LPIN1: variants seen among roughly 807,000 people sequenced by gnomAD.
LPIN1 encodes phosphatidate phosphatase LPIN1.
In LPIN1, 71 loss-of-function variants were observed where a neutral mutation model predicts 107.5. The observed-to-expected ratio is 0.66, with a 90% confidence interval of 0.55 to 0.80. The LOEUF (loss-of-function observed/expected upper bound fraction) is 0.80. Among genes scored for constraint, LPIN1 ranks in the 30% least tolerant of loss-of-function variants. The pLI, the probability that LPIN1 is intolerant of heterozygous loss-of-function variation, is 0.00. For missense variants in LPIN1, 1,043 were observed against 1,160.6 expected (o/e 0.90, Z 1.47); for synonymous variants, 445 against 452.6 (o/e 0.98, Z 0.21).
upstream of LPIN1, chr2:11,745,250 T>C (rs1666779542): frequency 6.6e-6 from 1 of 152,300 alleles, no homozygotes; most frequent in East Asian, 1.9e-4. Context: ...TCTGAAGTCC[T>C]TCCGCTTCTT....
chr2:11,717,506 C>T (rs1253684771), intron 2 of LPIN1, among the ~76,000 whole-genome samples: 1 of 145,094 alleles, frequency 6.9e-6, no homozygotes, highest in Non-Finnish European at 1.5e-5. Context: ...ACCCTCCAAA[C>T]ACAGAATGTC....
At chr2:11,799,504 G>C (rs73189025) in intron 14 of LPIN1, among the ~76,000 whole-genome samples, 1 of 151,756 alleles carries the variant, frequency 6.6e-6, no homozygotes, top group African/African-American at 2.4e-5. Flanking sequence ...CATTTGCCAG[G>C]CTGTACCAGC....
intron 17 of LPIN1, among the ~76,000 whole-genome samples, chr2:11,813,483 G>A (rs182353232): frequency 4.6e-5 from 7 of 152,240 alleles, no homozygotes; most frequent in Non-Finnish European, 8.8e-5. Flanking sequence ...GTTGCACAGC[G>A]GCCGGGCAGA....
At chr2:11,693,163 C>T (rs1240100571) in intron 1 of LPIN1, among the ~76,000 whole-genome samples, 3 of 150,838 alleles carry the variant, frequency 2.0e-5, no homozygotes, top group Non-Finnish European at 4.4e-5. Context: ...AGGCCAGGTA[C>T]AGTCGTGGTC....
At chr2:11,760,438 A>T (rs182045540) in intron 1 of LPIN1, among the ~76,000 whole-genome samples, 1 of 151,180 alleles carries the variant, frequency 6.6e-6, no homozygotes, top group Non-Finnish European at 1.5e-5. Context: ...CCGGCACCTC[A>T]GGAGGCCGAG....
intron 1 of LPIN1, among the ~76,000 whole-genome samples, chr2:11,705,280 G>C (rs1449523401): frequency 6.6e-6 from 1 of 152,096 alleles, no homozygotes; most frequent in Non-Finnish European, 1.5e-5. Context: ...GAGCTCAACT[G>C]TATATTGAAA....
Position 11,759,710 on chromosome 2 carries a change from G to A in LPIN1, c.-9-5823G>A, listed in dbSNP as rs1202887950. On this transcript the variant is annotated intron_variant, in intron 1 of 20. Transcript: ENST00000674199. ...GAGCTGTTGGGTACACCTCCCAGAC[G>A]GGGTGGCGGCCGGGCAGAGGGGCTC... 1.6e-4 allele frequency among the ~76,000 whole-genome samples: 24 copies of A among 152,054 alleles called. No individual in the cohort carries two copies. The East Asian group carries it at 3.9e-3, about 24-fold the overall frequency.
intron 17 of LPIN1, among the ~76,000 whole-genome samples, chr2:11,809,684 G>C (rs1679322557): frequency 6.6e-6 from 1 of 152,194 alleles, no homozygotes; most frequent in Non-Finnish European, 1.5e-5. Context: ...CCAAAGTGTG[G>C]GGATTACAGG....
intron 1 of LPIN1, among the ~76,000 whole-genome samples, chr2:11,692,289 C>T (rs1281373694): frequency 1.4e-5 from 2 of 142,650 alleles, no homozygotes; most frequent in African/African-American, 6.1e-5. Flanking sequence ...CTTGCCTTGG[C>T]ACATACTTGG....
chr2:11,760,611 A>G (rs1669657243), intron 1 of LPIN1, among the ~76,000 whole-genome samples: 1 of 151,844 alleles, frequency 6.6e-6, no homozygotes, highest in Admixed American at 6.6e-5. Flanking sequence ...GGGAGGTTGC[A>G]GTGAGCCGAG....
chr2:11,824,691 C>A lies in LPIN1; in HGVS notation c.2681C>A (p.Ser894Tyr). Reference sequence around the variant, plus strand: ...TTCCCGTTGCTGAAAAGAAGCCATTCTTCAGACTTTCCCTGTTCGGATACC... The same window carrying A: ...TTCCCGTTGCTGAAAAGAAGCCATTATTCAGACTTTCCCTGTTCGGATACC... Reference protein sequence around the residue: ...HVFPLLKRSHSSDFPCSDTFS... With the variant: ...HVFPLLKRSHYSDFPCSDTFS... Residue 894 changes from serine to tyrosine, a missense_variant, in exon 21 of 21, where the codon TCT (serine) becomes TAT (tyrosine). Coordinates refer to ENST00000674199, the MANE Select transcript of LPIN1 (RefSeq NM_001349206.2). The A allele has an allele frequency of 6.2e-7, 1 of 1,614,136 alleles. No individual in the cohort carries two copies. The highest frequency in any genetic ancestry group is 8.5e-7 in the Non-Finnish European group (1 of 1,180,026).
intron 1 of LPIN1, among the ~76,000 whole-genome samples, chr2:11,704,180 A>T (rs540705796): frequency 6.6e-6 from 1 of 152,378 alleles, no homozygotes; most frequent in East Asian, 1.9e-4. Flanking sequence ...CCTGCATGTT[A>T]TTGGTCAAGC....
intron 4 of LPIN1, among the ~76,000 whole-genome samples, chr2:11,772,555 T>G (rs916863179): frequency 1.3e-5 from 2 of 152,264 alleles, no homozygotes; most frequent in African/African-American, 4.8e-5. Flanking sequence ...ATTTCAGGCT[T>G]AAAAGTGAAT....
intron 1 of LPIN1, among the ~76,000 whole-genome samples, chr2:11,730,554 T>C (rs1394135753): frequency 6.6e-6 from 1 of 152,240 alleles, no homozygotes; most frequent in East Asian, 1.9e-4. Flanking sequence ...TTTTGCCTTT[T>C]TCTTCACTTT....
At chr2:11,795,028 T>C (rs1046878752) in intron 13 of LPIN1, among the ~76,000 whole-genome samples, 10 of 152,124 alleles carry the variant, frequency 6.6e-5, no homozygotes, top group African/African-American at 2.4e-4. Flanking sequence ...GGTACAAAAA[T>C]ATTTTCAAGC....
intron 1 of LPIN1, among the ~76,000 whole-genome samples, chr2:11,746,939 C>G (rs994464258): frequency 6.6e-5 from 10 of 152,220 alleles, no homozygotes; most frequent in Non-Finnish European, 1.0e-4. Flanking sequence ...CCGCGAGGCC[C>G]GGTGTGGGCC....
chr2:11,722,147 T>C (rs910962548), upstream of LPIN1: 1 of 152,184 alleles, frequency 6.6e-6, no homozygotes, highest in African/African-American at 2.4e-5. Context: ...ACAGCCCCTT[T>C]CCAATTGAGG....
intron 11 of LPIN1, among the ~76,000 whole-genome samples, chr2:11,787,840 A>T (rs1674924621): frequency 1.3e-5 from 2 of 151,474 alleles, no homozygotes. Flanking sequence ...ACTCGGGAGG[A>T]TGAGGCAGGA....
intron 2 of LPIN1, among the ~76,000 whole-genome samples, chr2:11,717,773 T>G (rs1663853625): frequency 6.6e-6 from 1 of 152,086 alleles, no homozygotes; most frequent in African/African-American, 2.4e-5. Flanking sequence ...GGTCCCATTA[T>G]GATTTCTGTT....
Sources: gnomAD v4.1 joint callset for allele counts (sites outside exome capture counted in the v4.1 genomes callset) on GRCh38, gnomAD v4.1.1 for gene constraint, MANE v1.5 for transcripts, NCBI Gene and HGNC (gene_info 2026-07-23, HGNC 2026-07-21) for gene names.